CAST: variants seen among roughly 807,000 people sequenced by gnomAD.
CAST encodes calpastatin.
A neutral mutation model predicts 119.6 loss-of-function variants in CAST; 76 were observed. That is an observed-to-expected ratio of 0.64 (90% CI 0.53 to 0.77). The LOEUF (loss-of-function observed/expected upper bound fraction) is 0.77. Among genes scored for constraint, CAST ranks in the 30% least tolerant of loss-of-function variants. The pLI is 0.00. For missense variants in CAST, 953 were observed against 946.5 expected (o/e 1.01, Z -0.09); for synonymous variants, 319 against 331.6 (o/e 0.96, Z 0.41).
At chr5:96,554,316 A>G (rs1746191163) in intron 1 of CAST, among the ~76,000 whole-genome samples, 1 of 152,226 alleles carries the variant, frequency 6.6e-6, no homozygotes, top group Non-Finnish European at 1.5e-5. Flanking sequence ...AAGATTCCCT[A>G]TTTAATAAAT....
chr5:96,476,927 CAA>C, the CAST span, among the ~76,000 whole-genome samples: 127 of 132,066 alleles, frequency 9.6e-4, no homozygotes, highest in Non-Finnish European at 1.0e-3. Context: ...ATGTGGATGG[CAA>C]AAAAAAAAAA....
chr5:96,760,250 T>C (rs1372925684), intron 24 of CAST, among the ~76,000 whole-genome samples: 1 of 152,028 alleles, frequency 6.6e-6, no homozygotes, highest in African/African-American at 2.4e-5. Context: ...AACAGTTAAA[T>C]TATTTGCCAT....
chr5:96,730,581 C>T (rs531154500), intron 8 of CAST, among the ~76,000 whole-genome samples, 199 bp from the exon 9 acceptor site: 1 of 152,264 alleles, frequency 6.6e-6, no homozygotes, highest in Admixed American at 6.5e-5. Context: ...AAGTTACCTG[C>T]GTGAACGTTT....
chr5:96,634,141 T>C (rs1287973454), intron 1 of CAST, among the ~76,000 whole-genome samples: 1 of 152,246 alleles, frequency 6.6e-6, no homozygotes, highest in Non-Finnish European at 1.5e-5. Context: ...ACTAATCTTC[T>C]GTAAGTATAC....
the CAST span, among the ~76,000 whole-genome samples, chr5:96,463,310 G>A: frequency 2.0e-5 from 3 of 152,098 alleles, no homozygotes; most frequent in African/African-American, 4.8e-5. Context: ...AAAAGGTCCA[G>A]TAAATGTCAA....
At chr5:96,552,045 A>C (rs1056019651) in intron 1 of CAST, among the ~76,000 whole-genome samples, 1 of 152,150 alleles carries the variant, frequency 6.6e-6, no homozygotes, top group Non-Finnish European at 1.5e-5. Flanking sequence ...CACGACTTGA[A>C]CTCAGCTCTG....
At chr5:96,346,741 A>G in the CAST span, among the ~76,000 whole-genome samples, 7 of 152,076 alleles carry the variant, frequency 4.6e-5, no homozygotes, top group African/African-American at 1.7e-4. Flanking sequence ...AGTATGTGGG[A>G]ATTGGTGGGT....
chr5:96,199,687 T>C, the CAST span, among the ~76,000 whole-genome samples: 1 of 152,204 alleles, frequency 6.6e-6, no homozygotes, highest in Non-Finnish European at 1.5e-5. Context: ...GTTTTGGTTT[T>C]CAGAGAAAAG....
At chr5:96,094,740 C>CAAG in the CAST span, among the ~76,000 whole-genome samples, 1 of 152,248 alleles carries the variant, frequency 6.6e-6, no homozygotes, top group South Asian at 2.1e-4. Flanking sequence ...AGAGCTTGGG[C>CAAG]AAGAAGTCAG....
intron 8 of CAST, among the ~76,000 whole-genome samples, chr5:96,730,441 G>A (rs750441654): frequency 8.5e-5 from 13 of 152,246 alleles, no homozygotes; most frequent in Non-Finnish European, 1.6e-4. Flanking sequence ...ATCCCAAATT[G>A]TAACTTCTCT....
intron 1 of CAST, among the ~76,000 whole-genome samples, chr5:96,638,122 T>G (rs1325751460): frequency 1.3e-5 from 2 of 152,170 alleles, no homozygotes; most frequent in Admixed American, 6.5e-5. Context: ...AATGCCCTTT[T>G]GGGCCTGGTG....
the CAST span, among the ~76,000 whole-genome samples, chr5:96,444,532 TTTATC>T: frequency 7.6e-6 from 1 of 131,704 alleles, no homozygotes; most frequent in South Asian, 2.6e-4. Context: ...AAAATTATTC[TTTATC>T]TTATTTACTT....
chr5:96,374,637 C>G, the CAST span, among the ~76,000 whole-genome samples: 1 of 152,162 alleles, frequency 6.6e-6, no homozygotes, highest in Non-Finnish European at 1.5e-5. Flanking sequence ...AGTTTTCCAT[C>G]TTTTGAGTCC....
intron 1 of CAST, among the ~76,000 whole-genome samples, chr5:96,612,290 T>C (rs1747378047): frequency 6.6e-6 from 1 of 152,202 alleles, no homozygotes; most frequent in Non-Finnish European, 1.5e-5. Flanking sequence ...GCAACATGGA[T>C]GCAGCAGGAG....
the CAST span, among the ~76,000 whole-genome samples, chr5:96,060,895 G>A: frequency 1.3e-5 from 2 of 152,080 alleles, no homozygotes; most frequent in African/African-American, 4.8e-5. Flanking sequence ...CTAGCAGGGT[G>A]GATTTCTGGT....
chr5:96,017,899 A>G, the CAST span, among the ~76,000 whole-genome samples: 1 of 152,180 alleles, frequency 6.6e-6, no homozygotes, highest in South Asian at 2.1e-4. Context: ...AAATTTATAT[A>G]GGGTATGTTT....
the CAST span, among the ~76,000 whole-genome samples, chr5:96,219,526 C>A: frequency 6.6e-6 from 1 of 152,180 alleles, no homozygotes; most frequent in Non-Finnish European, 1.5e-5. Context: ...GCCAGCCTGG[C>A]CAGGCATGGT....
At chr5:96,188,693 A>T in the CAST span, among the ~76,000 whole-genome samples, 1 of 152,132 alleles carries the variant, frequency 6.6e-6, no homozygotes, top group Non-Finnish European at 1.5e-5. Flanking sequence ...TATTCTGAAA[A>T]TGTTATTAAA....
chr5:96,468,439 C>G, the CAST span, among the ~76,000 whole-genome samples: 1 of 152,018 alleles, frequency 6.6e-6, no homozygotes, highest in East Asian at 1.9e-4. Context: ...AACCTATACA[C>G]CATGGTAGGT....
Sources: gnomAD v4.1 joint callset for allele counts (sites outside exome capture counted in the v4.1 genomes callset) on GRCh38, gnomAD v4.1.1 for gene constraint, MANE v1.5 for transcripts, NCBI Gene and HGNC (gene_info 2026-07-23, HGNC 2026-07-21) for gene names.